DPP10: variants seen among roughly 807,000 people sequenced by gnomAD.
DPP10 encodes inactive dipeptidyl peptidase 10.
In DPP10, 33 loss-of-function variants were observed where a neutral mutation model predicts 120.9. The observed-to-expected ratio is 0.27, with a 90% CI of 0.21 to 0.37. DPP10 has a LOEUF of 0.37. DPP10 is among the 10% of genes least tolerant of loss of function. The probability of loss-of-function intolerance (pLI) is 1.00; values close to 1 mark genes in which losing one functional copy is unlikely to be tolerated. For synonymous variants in DPP10, 337 were observed against 326.1 expected (o/e 1.03, Z -0.36); for missense variants, 816 against 942.8 (o/e 0.87, Z 1.76).
Position 115,762,613 on chromosome 2 carries a change from A to G in DPP10, c.1113+3A>G. 1.2e-6 allele frequency: 2 copies of G among 1,613,236 alleles called. No individual in the cohort carries two copies. The highest frequency in any genetic ancestry group is 1.1e-5 in the South Asian group (1 of 91,088). ...CAGATACGTGGCTCTCTCAGCAGGT[A>G]CAGTATAGGTGGTCTGTCACATCTT... On this transcript the variant is annotated splice_donor_region_variant and intron_variant, in intron 12 of 25. Coordinates refer to ENST00000410059, the MANE Select transcript of DPP10 (RefSeq NM_020868.6).
intron 1 of DPP10, among the ~76,000 whole-genome samples, chr2:114,607,943 A>G (rs184792100): frequency 1.3e-5 from 2 of 152,310 alleles, no homozygotes; most frequent in Middle Eastern, 3.4e-3. Flanking sequence ...GGAGGATTAC[A>G]GAAGTTCTTA....
chr2:115,133,744 G>C (rs2050504775), intron 1 of DPP10, among the ~76,000 whole-genome samples: 1 of 152,128 alleles, frequency 6.6e-6, no homozygotes, highest in Non-Finnish European at 1.5e-5. Flanking sequence ...CTTTAAGATA[G>C]GTGAAGACCA....
At chr2:114,822,045 G>A (rs1023504567) in intron 1 of DPP10, among the ~76,000 whole-genome samples, 25 of 152,176 alleles carry the variant, frequency 1.6e-4, no homozygotes, top group Admixed American at 3.3e-4. Flanking sequence ...AGGTCCACCA[G>A]GCAGTGCCCA....
chr2:115,705,047 A>G (rs1038714930), intron 7 of DPP10, among the ~76,000 whole-genome samples: 3 of 151,926 alleles, frequency 2.0e-5, no homozygotes, highest in Non-Finnish European at 2.9e-5. Flanking sequence ...ACATCTCTCT[A>G]TCACCTGTGT....
chr2:114,604,254 G>A (rs979765824), intron 1 of DPP10, among the ~76,000 whole-genome samples: 14 of 152,066 alleles, frequency 9.2e-5, no homozygotes, highest in Non-Finnish European at 1.8e-4. Flanking sequence ...TCAGGGAATG[G>A]TGGGAACTCT....
Position 114,834,180 on chromosome 2 carries a change from A to T in DPP10, c.60+391342A>T, listed in dbSNP as rs201523261. The T allele has an allele frequency of 2.4e-5, 3 of 125,946 alleles. No individual in the cohort carries two copies. In the South Asian group the frequency reaches 7.8e-4, roughly 33 times the overall value. 7.8% of individuals were successfully genotyped at this position (125,946 alleles called of 1,614,324 possible). A position where few individuals can be genotyped will look rare whatever the true frequency, so the allele number is the denominator to read the frequency against. ...CTATGTATATATAAGCCATATCTACACACCTATGTATATATAAGCCATATC... is the reference window on the plus strand; with the variant it reads ...CTATGTATATATAAGCCATATCTACTCACCTATGTATATATAAGCCATATC... On this transcript the variant is annotated intron_variant, in intron 1 of 25. Transcript: ENST00000410059.
Position 114,631,319 on chromosome 2 carries a change from A to T in DPP10, c.60+188481A>T, listed in dbSNP as rs77628964. Among the ~76,000 whole-genome samples, 1,126 of 152,126 alleles carry T rather than the reference A, an allele frequency of 7.4e-3. 11 individuals are homozygous for T. Among genetic ancestry groups the T allele is most frequent in the African/African-American group, 0.026 (1,068 of 41,498 alleles). On this transcript the variant is annotated intron_variant, in intron 1 of 25. Coordinates refer to ENST00000410059, the MANE Select transcript of DPP10 (RefSeq NM_020868.6). ...CCCACTGTGAGTCCCCTCTAAAAGC[A>T]TGCCTCCTTCCGAGACAGCACCACT...
At chr2:115,332,568 A>G (rs971887269) in intron 2 of DPP10, among the ~76,000 whole-genome samples, 3 of 152,254 alleles carry the variant, frequency 2.0e-5, no homozygotes, top group East Asian at 1.9e-4. Flanking sequence ...ATTTAGTGCT[A>G]TGAATTTCCC....
At chr2:114,471,994 A>G (rs1191402947) in intron 1 of DPP10, among the ~76,000 whole-genome samples, 3 of 152,246 alleles carry the variant, frequency 2.0e-5, no homozygotes, top group Non-Finnish European at 2.9e-5. Context: ...TAAAAGCAGT[A>G]AACTTCGATT....
chr2:115,130,175 G>C (rs894096117), intron 1 of DPP10, among the ~76,000 whole-genome samples: 8 of 152,060 alleles, frequency 5.3e-5, no homozygotes, highest in African/African-American at 1.7e-4. Flanking sequence ...GAAGTTGTAG[G>C]CTATTCCACT....
chr2:115,595,718 AT>A (rs1207990023), intron 5 of DPP10, among the ~76,000 whole-genome samples: 1 of 152,050 alleles, frequency 6.6e-6, no homozygotes, highest in Non-Finnish European at 1.5e-5. Context: ...TAGGACAAAT[AT>A]TTCCTTTCCT....
intron 1 of DPP10, among the ~76,000 whole-genome samples, chr2:115,215,991 T>C (rs1162138536): frequency 6.6e-6 from 1 of 152,230 alleles, no homozygotes; most frequent in East Asian, 1.9e-4. Context: ...AATGAAATTA[T>C]GTCTTCTGCA....
At chr2:114,575,638 T>C (rs1210437366) in intron 1 of DPP10, among the ~76,000 whole-genome samples, 1 of 152,196 alleles carries the variant, frequency 6.6e-6, no homozygotes, top group Non-Finnish European at 1.5e-5. Flanking sequence ...TTTTTTGATT[T>C]GTTTCAGTTT....
intron 5 of DPP10, among the ~76,000 whole-genome samples, chr2:115,627,911 C>CTATTATT (rs1203222854): frequency 1.1e-4 from 16 of 152,142 alleles, no homozygotes; most frequent in African/African-American, 3.9e-4. Flanking sequence ...TTTATCCAGT[C>CTATTATT]TATTATTGAT....
chr2:115,712,768 A>G (rs1335124673), intron 7 of DPP10, among the ~76,000 whole-genome samples: 1 of 151,556 alleles, frequency 6.6e-6, no homozygotes, highest in Non-Finnish European at 1.5e-5. Flanking sequence ...AGTTATTCAA[A>G]ATAAAATAAT....
intron 1 of DPP10, among the ~76,000 whole-genome samples, chr2:114,558,299 C>G (rs1325703752): frequency 6.6e-6 from 1 of 152,198 alleles, no homozygotes; most frequent in Non-Finnish European, 1.5e-5. Flanking sequence ...TCATGACTCT[C>G]TCCTACCCCA....
chr2:115,548,439 C>T (rs1271757976), intron 5 of DPP10, among the ~76,000 whole-genome samples: 8 of 152,050 alleles, frequency 5.3e-5, no homozygotes, highest in African/African-American at 1.9e-4. Context: ...ACGAGTTTCC[C>T]AGGCAGACAG....
intron 1 of DPP10, among the ~76,000 whole-genome samples, chr2:114,683,551 T>C (rs1046899095): frequency 2.8e-5 from 4 of 140,450 alleles, no homozygotes; most frequent in East Asian, 2.1e-4. Context: ...TTCCTCCCTC[T>C]CTCTCTCCCT....
chr2:115,211,519 AT>A (rs1002573981), intron 1 of DPP10, among the ~76,000 whole-genome samples: 1 of 151,980 alleles, frequency 6.6e-6, no homozygotes, highest in Non-Finnish European at 1.5e-5. Context: ...ATTTAATAAC[AT>A]TTGCTCTTTT....
Sources: gnomAD v4.1 joint callset for allele counts (sites outside exome capture counted in the v4.1 genomes callset) on GRCh38, gnomAD v4.1.1 for gene constraint, MANE v1.5 for transcripts, NCBI Gene and HGNC (gene_info 2026-07-23, HGNC 2026-07-21) for gene names.